Variants in LSAMP observed in about 807,000 individuals in gnomAD.
LSAMP encodes the protein limbic system associated membrane protein.
In LSAMP, 7 loss-of-function variants were observed where a neutral mutation model predicts 38.6. That is an observed-to-expected ratio of 0.18 (90% CI 0.10 to 0.34). LSAMP has a LOEUF of 0.34. Ranked by LOEUF, LSAMP falls within the 10% of genes least tolerant of loss-of-function variation. LSAMP has a pLI of 1.00. For synonymous variants in LSAMP, 154 were observed against 166.8 expected (o/e 0.92, Z 0.59); for missense variants, 313 against 420.0 (o/e 0.75, Z 2.23).
chr3:116,096,749 T>G (rs1442316280), intron 1 of LSAMP, among the ~76,000 whole-genome samples: 4 of 152,222 alleles, frequency 2.6e-5, no homozygotes, highest in African/African-American at 9.6e-5. Context: ...TGAGATCTGC[T>G]GGCTGAATTG....
intron 1 of LSAMP, among the ~76,000 whole-genome samples, chr3:116,235,625 T>C (rs1406818980): frequency 6.6e-6 from 1 of 152,170 alleles, no homozygotes; most frequent in Non-Finnish European, 1.5e-5. Context: ...TTCCAATAAA[T>C]ACCATTGTCA....
chr3:115,828,301 C>G (rs953614934), intron 6 of LSAMP, among the ~76,000 whole-genome samples: 1 of 152,068 alleles, frequency 6.6e-6, no homozygotes, highest in South Asian at 2.1e-4. Context: ...GGTACTATCT[C>G]GATGATTTAA....
intron 1 of LSAMP, among the ~76,000 whole-genome samples, chr3:116,326,813 A>T (rs954264191): frequency 6.6e-6 from 1 of 152,074 alleles, no homozygotes; most frequent in Non-Finnish European, 1.5e-5. Flanking sequence ...TGCCTTTGCC[A>T]CCTTCCTTTT....
intron 1 of LSAMP, among the ~76,000 whole-genome samples, chr3:116,237,499 C>T (rs1179552492): frequency 6.6e-6 from 1 of 152,128 alleles, no homozygotes; most frequent in African/African-American, 2.4e-5. Context: ...AAATGGAACA[C>T]CAGGCACAGG....
At chr3:116,387,116 G>A (rs556814853) in intron 1 of LSAMP, among the ~76,000 whole-genome samples, 1 of 152,142 alleles carries the variant, frequency 6.6e-6, no homozygotes, top group African/African-American at 2.4e-5. Context: ...TATACTGTAA[G>A]CATATGTAAC....
intron 1 of LSAMP, among the ~76,000 whole-genome samples, chr3:116,305,495 A>C (rs894331928): frequency 1.3e-5 from 2 of 152,042 alleles, no homozygotes; most frequent in Non-Finnish European, 1.5e-5. Context: ...TTTCTACTGT[A>C]ATCCTTCATC....
At chr3:115,871,079 A>G (rs959750688) in intron 3 of LSAMP, among the ~76,000 whole-genome samples, 2 of 152,144 alleles carry the variant, frequency 1.3e-5, no homozygotes, top group Admixed American at 1.3e-4. Flanking sequence ...TAGAAATTAT[A>G]TTTGCAATAG....
At chr3:115,821,542 A>C (rs954272330) in intron 6 of LSAMP, among the ~76,000 whole-genome samples, 1 of 146,260 alleles carries the variant, frequency 6.8e-6, no homozygotes, top group South Asian at 2.2e-4. Context: ...CAGCCATTTG[A>C]AAAAGAAAAC....
intron 1 of LSAMP, among the ~76,000 whole-genome samples, chr3:116,247,139 A>G (rs575957846): frequency 6.6e-6 from 1 of 152,336 alleles, no homozygotes; most frequent in Admixed American, 6.5e-5. Flanking sequence ...GTAAGGTCAC[A>G]GAACTCTGAT....
At chr3:116,420,087 T>C (rs1443956060) in intron 1 of LSAMP, among the ~76,000 whole-genome samples, 1 of 151,728 alleles carries the variant, frequency 6.6e-6, no homozygotes, top group Non-Finnish European at 1.5e-5. Flanking sequence ...TTTTTCTTTT[T>C]CTCTTTTTCT....
intron 1 of LSAMP, among the ~76,000 whole-genome samples, chr3:116,177,081 T>C (rs543541938): frequency 6.6e-5 from 10 of 152,224 alleles, no homozygotes; most frequent in Middle Eastern, 3.4e-3. Flanking sequence ...AAGAAACATC[T>C]TGAGAGGTTT....
chr3:116,073,245 T>C (rs1176930921), intron 2 of LSAMP, among the ~76,000 whole-genome samples: 1 of 152,148 alleles, frequency 6.6e-6, no homozygotes, highest in Non-Finnish European at 1.5e-5. Flanking sequence ...CCGAGTTCTT[T>C]TTCTGTTCCA....
At chr3:116,004,555 CATAT>C (rs200212862) in intron 3 of LSAMP, among the ~76,000 whole-genome samples, 4 of 147,370 alleles carry the variant, frequency 2.7e-5, no homozygotes, top group Non-Finnish European at 4.5e-5. Flanking sequence ...CACGTAGGTG[CATAT>C]ATATATATAC....
At chr3:116,035,535 C>T (rs1276419856) in intron 2 of LSAMP, among the ~76,000 whole-genome samples, 1 of 152,138 alleles carries the variant, frequency 6.6e-6, no homozygotes, top group Admixed American at 6.5e-5. Flanking sequence ...TCTAGCCTCT[C>T]CTATTTAACA....
chr3:116,105,964 G>A (rs1039073172), intron 1 of LSAMP, among the ~76,000 whole-genome samples: 1 of 152,098 alleles, frequency 6.6e-6, no homozygotes, highest in African/African-American at 2.4e-5. Context: ...TAAGCTGAAG[G>A]GAGGTCTTGT....
chr3:115,916,779 G>T (rs1937260657), intron 3 of LSAMP, among the ~76,000 whole-genome samples: 2 of 152,172 alleles, frequency 1.3e-5, no homozygotes, highest in South Asian at 4.2e-4. Context: ...GTGAGATTTT[G>T]TCACTTGCCT....
chr3:115,942,579 T>G (rs529563377), intron 3 of LSAMP, among the ~76,000 whole-genome samples: 1 of 152,288 alleles, frequency 6.6e-6, no homozygotes, highest in South Asian at 2.1e-4. Flanking sequence ...CATTCACATA[T>G]TTTTTGCTAC....
chr3:116,413,761 C>T (rs142449355), intron 1 of LSAMP, among the ~76,000 whole-genome samples: 2 of 152,066 alleles, frequency 1.3e-5, no homozygotes, highest in African/African-American at 4.8e-5. Flanking sequence ...TTCCTGTATA[C>T]AGTAAACAAA....
intron 1 of LSAMP, among the ~76,000 whole-genome samples, chr3:116,121,552 A>G (rs1411204431): frequency 1.3e-5 from 2 of 152,224 alleles, no homozygotes; most frequent in Non-Finnish European, 2.9e-5. Flanking sequence ...TTTTTAGCTC[A>G]CATTTATCAA....
Sources: gnomAD v4.1 joint callset for allele counts (sites outside exome capture counted in the v4.1 genomes callset) on GRCh38, gnomAD v4.1.1 for gene constraint, MANE v1.5 for transcripts, NCBI Gene and HGNC (gene_info 2026-07-23, HGNC 2026-07-21) for gene names.